Variants in UGT1A9 observed in about 807,000 individuals in gnomAD.
UGT1A9 encodes the protein UDP glucuronosyltransferase family 1 member A9, also known as UDP-glucuronosyltransferase 1A9.
A neutral mutation model predicts 45.0 loss-of-function variants in UGT1A9; 35 were observed. The observed-to-expected ratio is 0.78, with a 90% CI of 0.59 to 1.03. The LOEUF (loss-of-function observed/expected upper bound fraction) is 1.03, where lower values mean the gene tolerates loss of function less well. Among genes scored for constraint, UGT1A9 ranks in the 50% least tolerant of loss-of-function variants. The pLI is 0.00. For synonymous variants in UGT1A9, 278 were observed against 250.6 expected, an observed-to-expected ratio of 1.11 and a Z score of -1.03; for missense variants, 687 against 666.6, an observed-to-expected ratio of 1.03 and a Z score of -0.34.
intron 1 of UGT1A9, among the ~76,000 whole-genome samples, chr2:233,701,125 G>T (rs535015875): frequency 1.6e-4 from 24 of 152,142 alleles, no homozygotes; most frequent in Non-Finnish European, 4.4e-5. Context: ...ATCATTGAGG[G>T]ACATTTAGGT....
At chr2:233,716,672 C>G (rs2076519227) in intron 1 of UGT1A9, among the ~76,000 whole-genome samples, 1 of 151,920 alleles carries the variant, frequency 6.6e-6, no homozygotes, top group Admixed American at 6.6e-5. Context: ...CTTTGTTTAC[C>G]CCAAGATATA....
intron 1 of UGT1A9, chr2:233,743,443 T>A (rs1388678157): frequency 7.3e-7 from 1 of 1,363,152 alleles, no homozygotes; most frequent in Non-Finnish European, 9.8e-7. Context: ...AAATCCTGTA[T>A]CAAAAGAAGA....
intron 1 of UGT1A9, among the ~76,000 whole-genome samples, chr2:233,709,269 C>T (rs2076069252): frequency 1.3e-5 from 2 of 152,136 alleles, no homozygotes; most frequent in Non-Finnish European, 2.9e-5. Flanking sequence ...CTTGTCCACG[C>T]TGTGAATTAC....
chr2:233,742,812 T>C (rs992545321), intron 1 of UGT1A9: 2 of 153,630 alleles, frequency 1.3e-5, no homozygotes, highest in African/African-American at 4.9e-5. Context: ...AGTATTGATA[T>C]TATTTGTAGA....
intron 1 of UGT1A9, chr2:233,713,035 G>A: frequency 5.0e-6 from 8 of 1,613,988 alleles, no homozygotes; most frequent in Non-Finnish European, 6.8e-6. Context: ...CTGGCCACAG[G>A]ACTGCTGCTT....
intron 1 of UGT1A9, among the ~76,000 whole-genome samples, chr2:233,702,394 T>C (rs767929704): frequency 7.2e-5 from 11 of 152,332 alleles, no homozygotes; most frequent in Non-Finnish European, 1.5e-4. Context: ...TTCCAGATCA[T>C]GTTATCTACA....
intron 1 of UGT1A9, chr2:233,753,285 G>A (rs1446489164): frequency 6.6e-6 from 1 of 152,238 alleles, no homozygotes; most frequent in Admixed American, 6.5e-5. Context: ...TGATTTCAGA[G>A]TTCAGTGTGA....
Position 233,682,609 on chromosome 2 carries a change from C to A in UGT1A9, c.855+9820C>A, listed in dbSNP as rs367786048. ...AACATTTATTTTGCCCCTATTTTTT[C>A]AAAAATGTCTTAGAAATAGCCTCTG... On this transcript the variant is annotated intron_variant, in intron 1 of 4. Transcript: ENST00000354728. 2.0e-5 allele frequency: 33 copies of A among 1,613,744 alleles called. No homozygotes were observed. The South Asian group carries it at 3.1e-4, about 15-fold the overall frequency.
chr2:233,759,921 T>C (rs1359496363), intron 1 of UGT1A9, among the ~76,000 whole-genome samples: 1 of 152,198 alleles, frequency 6.6e-6, no homozygotes, highest in African/African-American at 2.4e-5. Context: ...TTCTGTTTAA[T>C]TTCTGGAAAA....
intron 1 of UGT1A9, chr2:233,743,701 C>A (rs13009407): frequency 2.9e-6 from 4 of 1,367,150 alleles, no homozygotes; most frequent in South Asian, 2.3e-5. Context: ...CGCCCTCCGC[C>A]CCCGCCTCGC....
At chr2:233,719,633 C>G in intron 1 of UGT1A9, 1 of 1,614,046 alleles carries the variant, frequency 6.2e-7, no homozygotes, top group Non-Finnish European at 8.5e-7. Flanking sequence ...CGATCATGCC[C>G]AACATGGTCT....
chr2:233,766,518 A>G (rs542510910), intron 1 of UGT1A9, among the ~76,000 whole-genome samples: 1 of 152,214 alleles, frequency 6.6e-6, no homozygotes, highest in East Asian at 1.9e-4. Context: ...GGGAAATGAA[A>G]CATTTAGGCA....
chr2:233,746,436 G>A (rs1200457799), intron 1 of UGT1A9, among the ~76,000 whole-genome samples: 2 of 151,690 alleles, frequency 1.3e-5, no homozygotes, highest in African/African-American at 4.9e-5. Flanking sequence ...TATGTCTTCA[G>A]CTTAAAAAGA....
chr2:233,754,706 C>T, intron 1 of UGT1A9: 1 of 528,090 alleles, frequency 1.9e-6, no homozygotes, highest in South Asian at 1.5e-5. Context: ...TCGACATGGA[C>T]TTGAAGCTGC....
chr2:233,703,357 C>T (rs1254530363), intron 1 of UGT1A9, among the ~76,000 whole-genome samples: 1 of 151,876 alleles, frequency 6.6e-6, no homozygotes, highest in Non-Finnish European at 1.5e-5. Flanking sequence ...GTTAATCTAA[C>T]TTTAGGTTTA....
chr2:233,690,739 G>A (rs900509800), intron 1 of UGT1A9: 18 of 1,204,014 alleles, frequency 1.5e-5, no homozygotes, highest in Non-Finnish European at 1.8e-5. Context: ...AGATTCCTCT[G>A]GCTAGTGTCC....
At chr2:233,673,758 T>C (rs1334070463) in intron 1 of UGT1A9, among the ~76,000 whole-genome samples, 3 of 152,206 alleles carry the variant, frequency 2.0e-5, no homozygotes, top group Non-Finnish European at 4.4e-5. Flanking sequence ...CTATGGGTAA[T>C]TAAGGTTTTG....
chr2:233,713,373 T>C (rs1347311443), intron 1 of UGT1A9: 2 of 1,614,164 alleles, frequency 1.2e-6, no homozygotes, highest in Non-Finnish European at 8.5e-7. Context: ...ACATAGGTCT[T>C]GTGTGGAGCT....
At chr2:233,764,522 C>G (rs1698581178) in intron 1 of UGT1A9, among the ~76,000 whole-genome samples, 1 of 152,138 alleles carries the variant, frequency 6.6e-6, no homozygotes, top group Non-Finnish European at 1.5e-5. Context: ...TGAATCACAT[C>G]CTGCTGATTG....
Sources: gnomAD v4.1 joint callset for allele counts (sites outside exome capture counted in the v4.1 genomes callset) on GRCh38, gnomAD v4.1.1 for gene constraint, MANE v1.5 for transcripts, NCBI Gene and HGNC (gene_info 2026-07-23, HGNC 2026-07-21) for gene names.